PPP1R9A: variants seen among roughly 807,000 people sequenced by gnomAD.
PPP1R9A encodes the protein neurabin-1.
In PPP1R9A, 59 loss-of-function variants were observed where a neutral mutation model predicts 141.9. The ratio of observed to expected loss-of-function variants is 0.42; its 90% CI spans 0.34 to 0.52. The LOEUF (loss-of-function observed/expected upper bound fraction) is 0.52. Among genes scored for constraint, PPP1R9A ranks in the 20% least tolerant of loss-of-function variants. PPP1R9A has a pLI of 0.10. For missense variants in PPP1R9A, 1,444 were observed against 1,611.9 expected (o/e 0.90, Z 1.78); for synonymous variants, 500 against 569.7 (o/e 0.88, Z 1.74).
Position 94,917,429 on chromosome 7 carries a change from C to G in PPP1R9A, c.1395+5921C>G, listed in dbSNP as rs576365683. On this transcript the variant is annotated intron_variant, in intron 2 of 19. Transcript: ENST00000433360. ...TTAATTTAATTAATTTTTTTTGAGA[C>G]AAGGTCTTGCTCTGTCACCCTGGCT... is the stretch of plus-strand genomic sequence containing the variant. Among the ~76,000 whole-genome samples, 3 of 151,918 alleles carry G rather than the reference C, an allele frequency of 2.0e-5. No homozygotes were observed. The South Asian group carries it at 6.2e-4, about 32-fold the overall frequency.
intron 3 of PPP1R9A, among the ~76,000 whole-genome samples, chr7:95,117,070 T>A (rs187977621): frequency 6.6e-6 from 1 of 152,296 alleles, no homozygotes; most frequent in African/African-American, 2.4e-5. Context: ...ACTGCATATA[T>A]CATCTAGGCT....
chr7:94,933,049 C>T (rs1042748495), intron 2 of PPP1R9A, among the ~76,000 whole-genome samples: 8 of 152,060 alleles, frequency 5.3e-5, no homozygotes, highest in African/African-American at 1.9e-4. Flanking sequence ...TATATATACA[C>T]ATATTTAGTG....
chr7:94,945,675 GAAGAA>G (rs1291559058), intron 2 of PPP1R9A, among the ~76,000 whole-genome samples: 1 of 151,908 alleles, frequency 6.6e-6, no homozygotes, highest in Non-Finnish European at 1.5e-5. Flanking sequence ...AAGCATGTTG[GAAGAA>G]AAGAATCAAT....
At chr7:95,020,576 A>G (rs1222671291) in intron 2 of PPP1R9A, among the ~76,000 whole-genome samples, 1 of 152,026 alleles carries the variant, frequency 6.6e-6, no homozygotes, top group African/African-American at 2.4e-5. Flanking sequence ...CCCGTCATCT[A>G]CATTAGGTAT....
chr7:95,253,308 C>T (rs934182009), intron 12 of PPP1R9A, among the ~76,000 whole-genome samples: 5 of 152,152 alleles, frequency 3.3e-5, no homozygotes, highest in Non-Finnish European at 7.3e-5. Context: ...TGATCTTTCT[C>T]ACATATTAAA....
At chr7:95,100,575 T>C (rs1007574515) in intron 2 of PPP1R9A, among the ~76,000 whole-genome samples, 1 of 152,172 alleles carries the variant, frequency 6.6e-6, no homozygotes, top group Non-Finnish European at 1.5e-5. Context: ...ACTATCCCTC[T>C]TTGTATTGCA....
chr7:95,096,322 C>T (rs1410415554), intron 2 of PPP1R9A, among the ~76,000 whole-genome samples: 5 of 152,122 alleles, frequency 3.3e-5, no homozygotes, highest in African/African-American at 9.7e-5. Context: ...TTCTCAGGAC[C>T]TTGGTTTGCT....
chr7:95,162,046 A>C (rs1830532987), intron 5 of PPP1R9A, 75 bp downstream of exon 5: 2 of 850,746 alleles, frequency 2.4e-6, no homozygotes, highest in East Asian at 2.9e-5. Context: ...TTAACCTGCA[A>C]ATAAATGTAA....
chr7:95,062,453 CTG>C (rs1812365774), intron 2 of PPP1R9A, among the ~76,000 whole-genome samples: 1 of 148,480 alleles, frequency 6.7e-6, no homozygotes, highest in Non-Finnish European at 1.5e-5. Flanking sequence ...GAGTCTCACT[CTG>C]TCACCCAGGC....
rs1830748569 is a variant in PPP1R9A, at chr7:95,163,636, G to A, written c.1754+1665G>A. ...TGGGTGTCATGTCAGTGCTCAAAAAGTTCTGAGTGTTCTGAACATTTTGGA... is the reference window on the plus strand; with the variant it reads ...TGGGTGTCATGTCAGTGCTCAAAAAATTCTGAGTGTTCTGAACATTTTGGA... On this transcript the variant is annotated intron_variant, in intron 5 of 19. Coordinates refer to ENST00000433360, the MANE Select transcript of PPP1R9A (RefSeq NM_001166160.2). 3.9e-5 allele frequency among the ~76,000 whole-genome samples: 6 copies of A among 152,176 alleles called. 1 individual carries two copies. In the South Asian group the frequency reaches 1.2e-3, roughly 32 times the overall value.
At chr7:95,197,757 T>G (rs1836498157) in intron 5 of PPP1R9A, among the ~76,000 whole-genome samples, 1 of 152,164 alleles carries the variant, frequency 6.6e-6, no homozygotes. Flanking sequence ...CAAACGATTC[T>G]CCTGCCTCAG....
At chr7:95,139,779 T>A (rs1275691168) in intron 4 of PPP1R9A, among the ~76,000 whole-genome samples, 2 of 150,744 alleles carry the variant, frequency 1.3e-5, no homozygotes, top group African/African-American at 4.9e-5. Flanking sequence ...TGTAGTTCAT[T>A]GTTTCATGTA....
chr7:95,217,517 A>G (rs1287228936), intron 7 of PPP1R9A, among the ~76,000 whole-genome samples: 44 of 151,872 alleles, frequency 2.9e-4, no homozygotes, highest in Admixed American at 2.5e-3. Context: ...CTCTTTTTCT[A>G]TTGATTGGAA....
intron 2 of PPP1R9A, among the ~76,000 whole-genome samples, chr7:94,985,507 C>A (rs573359833): frequency 6.6e-6 from 1 of 152,076 alleles, no homozygotes; most frequent in Non-Finnish European, 1.5e-5. Flanking sequence ...CTGGGTGCTC[C>A]TGTATTGGAT....
intron 2 of PPP1R9A, among the ~76,000 whole-genome samples, chr7:94,946,893 A>G (rs982827808): frequency 1.3e-5 from 2 of 152,062 alleles, no homozygotes; most frequent in Non-Finnish European, 2.9e-5. Flanking sequence ...TTTTTGGCTC[A>G]TTTTTTGTAT....
rs184752543 is a variant in PPP1R9A at position 95,049,450 on chromosome 7, C to T, written c.1396-61809C>T. Among the ~76,000 whole-genome samples, 186 of 152,296 alleles carry T rather than the reference C, an allele frequency of 1.2e-3. 1 individual carries two copies. Among genetic ancestry groups the T allele is most frequent in the Admixed American group, 2.7e-3 (41 of 15,304 alleles). On this transcript the variant is annotated intron_variant, in intron 2 of 19. Coordinates refer to ENST00000433360, the MANE Select transcript of PPP1R9A (RefSeq NM_001166160.2). Reference sequence around the variant, plus strand: ...AGTAAAGAGAGGCTCCATACATACCCTGGCTCCTTCCCAGCCTCTCCTACT... The same window carrying T: ...AGTAAAGAGAGGCTCCATACATACCTTGGCTCCTTCCCAGCCTCTCCTACT...
chr7:95,284,092 G>C lies in PPP1R9A; in HGVS notation c.3371G>C (p.Cys1124Ser), dbSNP rs1488884331. ...GCTCAGACCTCCACTCGTTCCCCTT[G>C]CATGCCTTTCTCATGGTTTAATGAC... ...STAQTSTRSP[C>S]MPFSWFNDSR... Residue 1124 changes from cysteine (C) to serine (S), a missense_variant, in exon 17 of 20, where the codon TGC (cysteine) becomes TCC (serine). Coordinates refer to ENST00000433360, the MANE Select transcript of PPP1R9A (RefSeq NM_001166160.2). 1.9e-6 allele frequency: 3 copies of C among 1,596,028 alleles called. No homozygotes were observed. The highest frequency in any genetic ancestry group is 2.7e-5 in the African/African-American group (2 of 74,810).
chr7:95,204,771 ACACACACACAC>A (rs1237088373), intron 7 of PPP1R9A, among the ~76,000 whole-genome samples: 9 of 137,114 alleles, frequency 6.6e-5, no homozygotes, highest in East Asian at 2.1e-4. Flanking sequence ...CACAAACACC[ACACACACACAC>A]CACACACACA....
intron 5 of PPP1R9A, 82 bp from the exon 6 acceptor site, chr7:95,198,267 T>G: frequency 8.9e-6 from 12 of 1,341,030 alleles, no homozygotes; most frequent in Non-Finnish European, 1.1e-5. Context: ...TGGACCCTGC[T>G]GAGATCAAAC....
Sources: allele counts gnomAD v4.1 joint callset (sites outside exome capture counted in the v4.1 genomes callset), GRCh38; gene constraint gnomAD v4.1.1; transcripts MANE v1.5; gene names NCBI Gene and HGNC (gene_info 2026-07-23, HGNC 2026-07-21).